The following FGD3 variants were observed in gnomAD, a reference collection of about 807,000 sequenced individuals.
The protein encoded by FGD3 is FYVE, RhoGEF and PH domain-containing protein 3.
Under a neutral mutation model 71.8 loss-of-function variants are expected in FGD3, and 45 were observed. That is an observed-to-expected ratio of 0.63 (90% CI 0.49 to 0.80). The LOEUF (loss-of-function observed/expected upper bound fraction) is 0.80, where lower values mean the gene tolerates loss of function less well. Ranked by LOEUF, FGD3 falls within the 30% of genes least tolerant of loss-of-function variation. The probability of loss-of-function intolerance (pLI) is 0.00; values close to 1 mark genes in which losing one functional copy is unlikely to be tolerated. For synonymous variants in FGD3, 378 were observed against 392.8 expected (o/e 0.96, Z 0.44); for missense variants, 844 against 951.5 (o/e 0.89, Z 1.49).
chr9:92,965,789 C>T (rs1310184977), intron 1 of FGD3, among the ~76,000 whole-genome samples: 1 of 152,182 alleles, frequency 6.6e-6, no homozygotes, highest in Non-Finnish European at 1.5e-5. Context: ...GTCACTGGTG[C>T]ATGTGCTGGG....
chr9:93,003,993 A>G lies in FGD3; in HGVS notation c.544-8A>G, dbSNP rs1476691403. ...TCACTGGCCACACGTGGGCTTCTCT[A>G]TGCTCAGGTTTTCTGCACCAGGCTG... On this transcript the variant is annotated splice_region_variant and splice_polypyrimidine_tract_variant and intron_variant, in intron 4 of 17. Coordinates refer to ENST00000375482, the MANE Select transcript of FGD3 (RefSeq NM_001083536.2). The surrounding 1 kb of genome is among the most constrained non-coding windows in gnomAD (Gnocchi z 4.1). The G allele has an allele frequency of 6.8e-6, 11 of 1,613,890 alleles. No individual in the cohort carries two copies. The highest frequency in any genetic ancestry group is 3.3e-5 in the Admixed American group (2 of 60,010).
intron 1 of FGD3, among the ~76,000 whole-genome samples, chr9:92,967,338 A>G (rs1423699361): frequency 6.6e-6 from 1 of 152,020 alleles, no homozygotes; most frequent in African/African-American, 2.4e-5. Context: ...ACTGCCATCC[A>G]TCTCCAGAGC....
At position 93,009,746 on chromosome 9, in the gene FGD3, GATTGGA is replaced by G. The variant is rs1861225745; in HGVS notation, c.838-497_838-492del. On this transcript the variant is annotated intron_variant, in intron 6 of 17. Coordinates refer to ENST00000375482, the MANE Select transcript of FGD3 (RefSeq NM_001083536.2). ...GTGGAGCGCGAGGGTCTCAGCACCT[GATTGGA>G]ATACTGGTGCGTTTATATCGAGAGC... is the stretch of plus-strand genomic sequence containing the variant. Among the ~76,000 whole-genome samples the G allele has an allele frequency of 2.0e-5, 3 of 152,352 alleles. No individual in the cohort carries two copies. In the South Asian group the frequency reaches 6.2e-4, roughly 32 times the overall value.
chr9:92,988,687 C>T (rs1564151992), intron 3 of FGD3, among the ~76,000 whole-genome samples: 1 of 152,162 alleles, frequency 6.6e-6, no homozygotes, highest in East Asian at 1.9e-4. Flanking sequence ...TTGATGTTAC[C>T]ATAAACACAT....
intron 3 of FGD3, among the ~76,000 whole-genome samples, chr9:93,002,482 G>C (rs1487371354): frequency 6.6e-6 from 1 of 151,794 alleles, no homozygotes; most frequent in Non-Finnish European, 1.5e-5. Flanking sequence ...AGGTAAAATG[G>C]ACTAAGACAA....
chr9:93,017,509 G>A (rs905324463), intron 10 of FGD3, among the ~76,000 whole-genome samples: 3 of 151,854 alleles, frequency 2.0e-5, no homozygotes, highest in African/African-American at 7.3e-5. Flanking sequence ...CCACTGCAAT[G>A]AGACATGGAA....
chr9:93,003,980 C>T lies in FGD3; in HGVS notation c.544-21C>T. 3.1e-6 allele frequency: 5 copies of T among 1,613,654 alleles called. No individual in the cohort carries two copies. Among genetic ancestry groups the T allele is most frequent in the Non-Finnish European group, 4.2e-6 (5 of 1,179,854 alleles). ...CAGTGGAAGAGGCTCACTGGCCACA[C>T]GTGGGCTTCTCTATGCTCAGGTTTT... is the stretch of plus-strand genomic sequence containing the variant. On this transcript the variant is annotated intron_variant, in intron 4 of 17. Transcript: ENST00000375482. This position sits in a 1 kb window ranked among gnomAD's most constrained non-coding sequence, Gnocchi z 4.1.
rs995738785 is a variant in FGD3, at chr9:93,023,796, T to C, written c.1557+1407T>C. On this transcript the variant is annotated intron_variant, in intron 14 of 17. Coordinates refer to ENST00000375482, the MANE Select transcript of FGD3 (RefSeq NM_001083536.2). ...TGACAGGAACCCGCCCATCAGCAAC[T>C]TTTTTTTTTTTTTTTTTTTTTTTTT... Among the ~76,000 whole-genome samples, 10 of 21,898 alleles carry C rather than the reference T, an allele frequency of 4.6e-4. No individual in the cohort carries two copies. In the African/African-American group the frequency reaches 9.2e-3, roughly 20 times the overall value. 14.4% of individuals were successfully genotyped at this position (21,898 alleles called of 152,430 possible). A position where few individuals can be genotyped will look rare whatever the true frequency, so the allele number is the denominator to read the frequency against.
chr9:92,989,540 G>A (rs1860319641), intron 3 of FGD3, among the ~76,000 whole-genome samples: 2 of 152,220 alleles, frequency 1.3e-5, no homozygotes, highest in African/African-American at 4.8e-5. Flanking sequence ...AAATAAACAT[G>A]GAATCATAGA....
chr9:93,020,684 A>C (rs1188678649), intron 13 of FGD3: 1 of 443,672 alleles, frequency 2.3e-6, no homozygotes, highest in East Asian at 4.3e-5. Context: ...ATAGGTCCAG[A>C]GAGCCTCCTG....
chr9:93,003,905 C>A lies in FGD3; in HGVS notation c.544-96C>A, dbSNP rs931887330. ...AGAAAACACAAGGTGGCAGCAGCGG[C>A]CCCTCCCGAGCGCCCTCACCTGTGG... On this transcript the variant is annotated intron_variant, in intron 4 of 17. Transcript: ENST00000375482. The surrounding 1 kb of genome is among the most constrained non-coding windows in gnomAD (Gnocchi z 4.1). 4 of 1,453,366 alleles carry A rather than the reference C, an allele frequency of 2.8e-6. No individual in the cohort carries two copies. The highest frequency in any genetic ancestry group is 3.8e-6 in the Non-Finnish European group (4 of 1,060,408). 90.0% of individuals were successfully genotyped at this position (1,453,366 alleles called of 1,614,324 possible).
intron 16 of FGD3, 74 bp downstream of exon 16, chr9:93,032,947 C>A: frequency 7.4e-7 from 1 of 1,351,914 alleles, no homozygotes; most frequent in Non-Finnish European, 1.1e-6. Context: ...TGTGCCCCAG[C>A]AGCTCCAGCT....
intron 1 of FGD3, among the ~76,000 whole-genome samples, chr9:92,952,898 TAAAC>T (rs376469379): frequency 3.9e-4 from 60 of 152,312 alleles, no homozygotes; most frequent in African/African-American, 1.3e-3. Context: ...GAAACCTAAA[TAAAC>T]ATGTGTTGTT....
At chr9:93,033,223 TCTGC>T (rs1188077565) in intron 16 of FGD3, 1 of 369,086 alleles carries the variant, frequency 2.7e-6, no homozygotes, top group Non-Finnish European at 5.3e-6. Flanking sequence ...TGCCCTTCTC[TCTGC>T]CTGCCTCACC....
chr9:92,980,590 C>T (rs1392208592), intron 3 of FGD3, among the ~76,000 whole-genome samples: 2 of 151,528 alleles, frequency 1.3e-5, no homozygotes, highest in Admixed American at 6.6e-5. Context: ...GTATTTATAG[C>T]TGTAAAATTC....
intron 1 of FGD3, among the ~76,000 whole-genome samples, chr9:92,962,451 CA>C (rs1156428904): frequency 1.3e-5 from 2 of 152,142 alleles, no homozygotes; most frequent in Admixed American, 6.5e-5. Context: ...CTGGATGGTC[CA>C]GGGCTGCCTC....
chr9:93,026,852 G>A (rs372951617), intron 14 of FGD3, among the ~76,000 whole-genome samples: 170 of 152,382 alleles, frequency 1.1e-3, no homozygotes, highest in African/African-American at 4.0e-3. Context: ...CCTGGGTGCC[G>A]TGGCCAGGGT....
chr9:93,032,664 TC>T, intron 15 of FGD3, 104 bp from the exon 16 acceptor site: 1 of 1,061,982 alleles, frequency 9.4e-7, no homozygotes, highest in Non-Finnish European at 1.4e-6. Context: ...GTGTTAAGTC[TC>T]CTCCCGCCCA....
chr9:92,972,063 A>G (rs1587820267), intron 1 of FGD3, among the ~76,000 whole-genome samples: 1 of 35,920 alleles, frequency 2.8e-5, no homozygotes, highest in African/African-American at 1.0e-4. Flanking sequence ...ATTCTGTAGT[A>G]ATGAGAAAAC....
Sources: allele counts gnomAD v4.1 joint callset (sites outside exome capture counted in the v4.1 genomes callset), GRCh38; gene constraint gnomAD v4.1.1; non-coding constraint Gnocchi (gnomAD v3.1); transcripts MANE v1.5; gene names NCBI Gene and HGNC (gene_info 2026-07-23, HGNC 2026-07-21).